COL4A2: variants seen among roughly 807,000 people sequenced by gnomAD.
The protein encoded by COL4A2 is collagen alpha-2(IV) chain.
Under a neutral mutation model 200.2 loss-of-function variants are expected in COL4A2, and 99 were observed. The ratio of observed to expected loss-of-function variants is 0.49; its 90% CI spans 0.42 to 0.58. The LOEUF (loss-of-function observed/expected upper bound fraction) is 0.58. Ranked by LOEUF, COL4A2 falls within the 20% of genes least tolerant of loss-of-function variation. COL4A2 has a pLI of 0.00. For missense variants in COL4A2, 1,950 were observed against 2,314.1 expected (o/e 0.84, Z 3.23); for synonymous variants, 897 against 900.6 (o/e 1.00, Z 0.07).
At chr13:110,429,522 TAA>T (rs1880596087) in intron 7 of COL4A2, among the ~76,000 whole-genome samples, 1 of 152,232 alleles carries the variant, frequency 6.6e-6, no homozygotes, top group Non-Finnish European at 1.5e-5. Flanking sequence ...GTGCTTGTGT[TAA>T]TATGTTCAGT....
intron 4 of COL4A2, among the ~76,000 whole-genome samples, chr13:110,360,233 C>T (rs780135643): frequency 1.6e-4 from 24 of 152,178 alleles, no homozygotes; most frequent in Non-Finnish European, 3.1e-4. Flanking sequence ...GTGTCTAGAG[C>T]GACTCTGCAT....
intron 20 of COL4A2, among the ~76,000 whole-genome samples, chr13:110,453,353 T>G (rs1186162551): frequency 6.6e-6 from 1 of 151,832 alleles, no homozygotes; most frequent in African/African-American, 2.4e-5. Context: ...AATACAAAAT[T>G]AGCCAAGTGC....
intron 21 of COL4A2, 60 bp downstream of exon 21, chr13:110,457,495 T>TA (rs1449144472): frequency 4.0e-6 from 4 of 996,686 alleles, no homozygotes; most frequent in Non-Finnish European, 6.4e-6. Flanking sequence ...TCCCTCACCT[T>TA]ACAGAAGGTG....
chr13:110,380,624 A>C lies in COL4A2; in HGVS notation c.180+23072A>C, dbSNP rs189539382. Among the ~76,000 whole-genome samples, 390 of 152,044 alleles carry C rather than the reference A, an allele frequency of 2.6e-3. 2 individuals are homozygous for C. The highest frequency in any genetic ancestry group is 9.1e-3 in the African/African-American group (378 of 41,442). ...ACTAGGAGGCTCATCGAACACCCAC[A>C]GGGCTCTACGTCACACCCACAAGCT... On this transcript the variant is annotated intron_variant, in intron 4 of 47. Coordinates refer to ENST00000360467, the MANE Select transcript of COL4A2 (RefSeq NM_001846.4).
In COL4A2 at chr13:110,370,183, C is replaced by A. The variant is rs1432985932; in HGVS notation, c.180+12631C>A. Among the ~76,000 whole-genome samples the A allele has an allele frequency of 2.7e-5, 4 of 149,444 alleles. No individual in the cohort carries two copies. The East Asian group carries it at 7.9e-4, about 30-fold the overall frequency. On this transcript the variant is annotated intron_variant, in intron 4 of 47. Transcript: ENST00000360467. ...ACCAGATTATTGCATTGCATTGGCTCACTAGTAATGTATTTCTACCAAAAA... is the reference window on the plus strand; with the variant it reads ...ACCAGATTATTGCATTGCATTGGCTAACTAGTAATGTATTTCTACCAAAAA...
intron 4 of COL4A2, 80 bp from the exon 5 acceptor site, chr13:110,424,648 AAAATGT>A: frequency 1.1e-6 from 1 of 915,736 alleles, no homozygotes; most frequent in Non-Finnish European, 1.7e-6. Context: ...AACAAAAAAA[AAAATGT>A]AGTTTTGAAA....
intron 20 of COL4A2, among the ~76,000 whole-genome samples, chr13:110,453,923 C>T (rs1453365333): frequency 2.0e-5 from 3 of 152,156 alleles, no homozygotes; most frequent in Non-Finnish European, 2.9e-5. Flanking sequence ...GACCTTGATT[C>T]CCATGGAGTT....
At chr13:110,354,000 A>G (rs145724029) in intron 3 of COL4A2, among the ~76,000 whole-genome samples, 1 of 152,352 alleles carries the variant, frequency 6.6e-6, no homozygotes, top group East Asian at 1.9e-4. Flanking sequence ...TGGGTTATGA[A>G]TAACTCACTA....
intron 3 of COL4A2, among the ~76,000 whole-genome samples, chr13:110,310,877 C>T (rs774276054): frequency 6.6e-6 from 1 of 152,160 alleles, no homozygotes; most frequent in African/African-American, 2.4e-5. Context: ...ATTATTACCC[C>T]CATTTTACAG....
At position 110,423,069 on chromosome 13, in the gene COL4A2, A is replaced by G. The variant is rs1356335057; in HGVS notation, c.181-1665A>G. Among the ~76,000 whole-genome samples the G allele has an allele frequency of 2.0e-5, 3 of 152,154 alleles. No individual in the cohort carries two copies. The East Asian group carries it at 5.8e-4, about 29-fold the overall frequency. ...CCCTCAATCTCAGGGCAAGACAGGA[A>G]TTTGACATTTCACAGCAAATGGGGC... On this transcript the variant is annotated intron_variant, in intron 4 of 47. Transcript: ENST00000360467.
At chr13:110,415,235 GACACACCAAATA>G (rs1879995827) in intron 4 of COL4A2, among the ~76,000 whole-genome samples, 2 of 152,102 alleles carry the variant, frequency 1.3e-5, no homozygotes, top group South Asian at 4.2e-4. Flanking sequence ...GTCTGTTAAT[GACACACCAAATA>G]ACACACCAAA....
intron 3 of COL4A2, among the ~76,000 whole-genome samples, chr13:110,346,440 C>G (rs188417379): frequency 6.6e-6 from 1 of 152,182 alleles, no homozygotes; most frequent in African/African-American, 2.4e-5. Context: ...GAACAGATTT[C>G]AGGAAGTAAC....
intron 3 of COL4A2, among the ~76,000 whole-genome samples, chr13:110,312,338 C>A (rs998001246): frequency 1.3e-5 from 2 of 151,844 alleles, no homozygotes; most frequent in South Asian, 4.2e-4. Context: ...TACGACCAGG[C>A]GGCTATGTTT....
intron 40 of COL4A2, among the ~76,000 whole-genome samples, chr13:110,500,314 C>T (rs1281629014): frequency 6.6e-6 from 1 of 152,230 alleles, no homozygotes; most frequent in Non-Finnish European, 1.5e-5. Context: ...CCCACTTGGA[C>T]ATTCTGACAT....
intron 12 of COL4A2, among the ~76,000 whole-genome samples, chr13:110,435,123 A>C (rs1458577695): frequency 6.6e-6 from 1 of 152,228 alleles, no homozygotes; most frequent in Non-Finnish European, 1.5e-5. Flanking sequence ...GGAACAGCAC[A>C]GTAAGTTGAA....
Position 110,495,531 on chromosome 13 carries a change from G to A in COL4A2, c.3760+64G>A, listed in dbSNP as rs889431507. 14 of 1,564,894 alleles carry A rather than the reference G, an allele frequency of 8.9e-6. No homozygotes were observed. The African/African-American group carries it at 1.8e-4, about 20-fold the overall frequency. ...TAACCAGAACCCACCCAGAGGTGGGGCCATGGAGTGTCTATGGGGTGGGAG... is the reference window on the plus strand; with the variant it reads ...TAACCAGAACCCACCCAGAGGTGGGACCATGGAGTGTCTATGGGGTGGGAG... On this transcript the variant is annotated intron_variant, in intron 40 of 47. Coordinates refer to ENST00000360467, the MANE Select transcript of COL4A2 (RefSeq NM_001846.4).
At chr13:110,507,282 C>T (rs138451121) in intron 46 of COL4A2, among the ~76,000 whole-genome samples, 30 of 152,278 alleles carry the variant, frequency 2.0e-4, no homozygotes, top group African/African-American at 5.8e-4. Context: ...GTGCGCCCCG[C>T]CTCCACAATG....
intron 4 of COL4A2, among the ~76,000 whole-genome samples, chr13:110,407,449 A>C (rs553925717): frequency 6.6e-6 from 1 of 152,330 alleles, no homozygotes; most frequent in African/African-American, 2.4e-5. Flanking sequence ...GAGGAGCTGC[A>C]CCTAGAAAGC....
intron 4 of COL4A2, among the ~76,000 whole-genome samples, chr13:110,384,735 G>C (rs778292219): frequency 5.3e-5 from 8 of 152,188 alleles, no homozygotes; most frequent in Non-Finnish European, 7.3e-5. Context: ...TGTGTCCTTA[G>C]CACCCTCCAA....
Sources: gnomAD v4.1 joint callset for allele counts (sites outside exome capture counted in the v4.1 genomes callset) on GRCh38, gnomAD v4.1.1 for gene constraint, MANE v1.5 for transcripts, NCBI Gene and HGNC (gene_info 2026-07-23, HGNC 2026-07-21) for gene names.